The following PRICKLE1 variants were observed in gnomAD, a reference collection of about 807,000 sequenced individuals.
The protein encoded by PRICKLE1 is prickle-like protein 1.
A neutral mutation model predicts 70.2 loss-of-function variants in PRICKLE1; 14 were observed. The ratio of observed to expected loss-of-function variants is 0.20; its 90% CI spans 0.13 to 0.31. The LOEUF is 0.31. PRICKLE1 is among the 10% of genes least tolerant of loss of function. The pLI, the probability that PRICKLE1 is intolerant of heterozygous loss-of-function variation, is 1.00. For missense variants in PRICKLE1, 821 were observed against 1,026.2 expected (o/e 0.80, Z 2.73); for synonymous variants, 357 against 379.9 (o/e 0.94, Z 0.70).
intron 1 of PRICKLE1, among the ~76,000 whole-genome samples, chr12:42,474,008 T>C (rs1174524272): frequency 6.6e-6 from 1 of 152,178 alleles, no homozygotes; most frequent in Non-Finnish European, 1.5e-5. Context: ...GCGTGGTAGC[T>C]CACACCTGTA....
intron 1 of PRICKLE1, among the ~76,000 whole-genome samples, chr12:42,560,606 G>A (rs1940495251): frequency 6.6e-6 from 1 of 152,078 alleles, no homozygotes; most frequent in Non-Finnish European, 1.5e-5. Flanking sequence ...GGACTAGGCA[G>A]GTATTTACTT....
At chr12:42,465,946 C>CA (rs765531465) in intron 6 of PRICKLE1, 3 of 560,124 alleles carry the variant, frequency 5.4e-6, no homozygotes, top group Non-Finnish European at 9.6e-6. Context: ...CCCCCATGAG[C>CA]AATGGTTCAG....
intron 1 of PRICKLE1, among the ~76,000 whole-genome samples, chr12:42,576,097 C>G (rs891095918): frequency 2.2e-4 from 34 of 152,174 alleles, no homozygotes; most frequent in African/African-American, 8.2e-4. Context: ...CCTGTCAAAC[C>G]ACAGGCACTC....
intron 1 of PRICKLE1, among the ~76,000 whole-genome samples, chr12:42,540,564 T>A (rs1379979572): frequency 1.3e-5 from 2 of 152,094 alleles, no homozygotes; most frequent in African/African-American, 4.8e-5. Flanking sequence ...GAAATACATA[T>A]ATATATATAG....
chr12:42,507,688 G>C (rs984389530), intron 1 of PRICKLE1, among the ~76,000 whole-genome samples: 2 of 152,178 alleles, frequency 1.3e-5, no homozygotes, highest in Non-Finnish European at 2.9e-5. Flanking sequence ...AGGTTGCATT[G>C]CACTGAGCAG....
In PRICKLE1 at chr12:42,532,354, T is replaced by G. The variant is rs1939933110; in HGVS notation, c.-49+57111A>C. Among the ~76,000 whole-genome samples, 3 of 152,272 alleles carry G rather than the reference T, an allele frequency of 2.0e-5. No homozygotes were observed. In the South Asian group the frequency reaches 6.2e-4, roughly 32 times the overall value. On this transcript the variant is annotated intron_variant, in intron 1 of 7. Coordinates refer to ENST00000345127, the MANE Select transcript of PRICKLE1 (RefSeq NM_153026.3). ...CAACAAGATGGTGGTTAAGAACCGG[T>G]CAAATAATTTTACTCACATAATAGA... is the stretch of plus-strand genomic sequence containing the variant.
intron 1 of PRICKLE1, among the ~76,000 whole-genome samples, chr12:42,527,648 C>A (rs550170556): frequency 3.3e-5 from 5 of 152,178 alleles, no homozygotes; most frequent in Admixed American, 6.5e-5. Context: ...AATGCTTGTC[C>A]ATTCAATTTG....
At chr12:42,496,206 A>G (rs1234563544) in intron 1 of PRICKLE1, among the ~76,000 whole-genome samples, 1 of 152,254 alleles carries the variant, frequency 6.6e-6, no homozygotes, top group Non-Finnish European at 1.5e-5. Flanking sequence ...GTGCATCTCC[A>G]TCAGAGCTCC....
intron 1 of PRICKLE1, among the ~76,000 whole-genome samples, chr12:42,570,138 G>C (rs2406865): frequency 0.019 from 2,895 of 152,346 alleles, 79 homozygotes; most frequent in African/African-American, 0.066. Flanking sequence ...AATTACCCTA[G>C]ATGTTTCAAT....
At chr12:42,575,793 C>G (rs6582403) in intron 1 of PRICKLE1, among the ~76,000 whole-genome samples, 39,407 of 152,154 alleles carry the variant, frequency 0.26, 7,395 homozygotes, top group African/African-American at 0.54. Context: ...TCTGCCTAAA[C>G]TAGCCCATTC....
intron 1 of PRICKLE1, among the ~76,000 whole-genome samples, chr12:42,562,961 G>A (rs1001797907): frequency 1.3e-4 from 20 of 151,992 alleles, no homozygotes; most frequent in African/African-American, 2.9e-4. Context: ...AGGCCGAGGC[G>A]GGCCTGAGGT....
chr12:42,526,423 T>C (rs1939800997), intron 1 of PRICKLE1, among the ~76,000 whole-genome samples: 1 of 151,982 alleles, frequency 6.6e-6, no homozygotes. Flanking sequence ...TAAGAGAAAC[T>C]TCACAGAGGA....
chr12:42,503,959 GACCAACTT>G (rs781781491), intron 1 of PRICKLE1, among the ~76,000 whole-genome samples: 6 of 152,224 alleles, frequency 3.9e-5, no homozygotes, highest in Non-Finnish European at 8.8e-5. Context: ...AGTGGTTTGA[GACCAACTT>G]TAGCTTAAAT....
chr12:42,546,080 G>A (rs1940207634), intron 1 of PRICKLE1, among the ~76,000 whole-genome samples: 1 of 151,884 alleles, frequency 6.6e-6, no homozygotes, highest in Non-Finnish European at 1.5e-5. Context: ...AAAATATATA[G>A]GAGATCTTCC....
chr12:42,490,949 C>T (rs910489844), intron 1 of PRICKLE1, among the ~76,000 whole-genome samples: 2 of 152,072 alleles, frequency 1.3e-5, no homozygotes, highest in African/African-American at 4.8e-5. Context: ...TGGCTCACTA[C>T]AACCTCCACC....
chr12:42,580,441 A>T (rs1479385297), intron 1 of PRICKLE1, among the ~76,000 whole-genome samples: 1 of 152,230 alleles, frequency 6.6e-6, no homozygotes, highest in African/African-American at 2.4e-5. Flanking sequence ...GAAAAATACA[A>T]TAAATGCACC....
chr12:42,553,967 G>A (rs1463607615), intron 1 of PRICKLE1, among the ~76,000 whole-genome samples: 2 of 152,176 alleles, frequency 1.3e-5, no homozygotes, highest in African/African-American at 2.4e-5. Context: ...AGTGGGGCAT[G>A]GTGGCTGGCG....
At chr12:42,474,933 A>C (rs1285581761) in intron 1 of PRICKLE1, among the ~76,000 whole-genome samples, 1 of 152,226 alleles carries the variant, frequency 6.6e-6, no homozygotes, top group Non-Finnish European at 1.5e-5. Context: ...ACAAATTAAG[A>C]CAAGCCATGG....
At chr12:42,576,749 G>A (rs903657589) in intron 1 of PRICKLE1, among the ~76,000 whole-genome samples, 3 of 152,080 alleles carry the variant, frequency 2.0e-5, no homozygotes, top group Admixed American at 6.6e-5. Context: ...AATGCTTCCC[G>A]GTGGCTGCTT....
Sources: gnomAD v4.1 joint callset for allele counts (sites outside exome capture counted in the v4.1 genomes callset) on GRCh38, gnomAD v4.1.1 for gene constraint, MANE v1.5 for transcripts, NCBI Gene and HGNC (gene_info 2026-07-23, HGNC 2026-07-21) for gene names.